Variants in SYNE2 observed in about 807,000 individuals in gnomAD.
SYNE2 encodes the protein spectrin repeat containing nuclear envelope protein 2.
In SYNE2, 431 loss-of-function variants were observed where a neutral mutation model predicts 856.3. The ratio of observed to expected loss-of-function variants is 0.50; its 90% confidence interval spans 0.47 to 0.55. SYNE2 has a LOEUF of 0.55. Ranked by LOEUF, SYNE2 falls within the 20% of genes least tolerant of loss-of-function variation. SYNE2 has a pLI of 0.00. For synonymous variants in SYNE2, 2,923 were observed against 2,872.3 expected, an observed-to-expected ratio of 1.02 and a Z score of -0.56; for missense variants, 8,129 against 8,023.2, an observed-to-expected ratio of 1.01 and a Z score of -0.50.
chr14:63,986,500 A>G lies in SYNE2; in HGVS notation c.2196A>G (p.Gln732=), dbSNP rs780409743. Residue 732 remains glutamine, a synonymous_variant, in exon 19 of 116, where the codon CAA becomes CAG. Transcript: ENST00000555002. The part of the protein sequence containing the change: ...HEKENEEFTG[Q]LKVAKDVEKL... ...AAGAAAATGAAGAATTCACAGGGCA[A>G]CTAAAAGTGGCTAAAGATGTTGAAA... 9 of 1,614,080 alleles carry G rather than the reference A, an allele frequency of 5.6e-6. No individual in the cohort carries two copies.
rs778518604 is a variant in SYNE2 at position 64,141,421 on chromosome 14, A to G, written c.15057A>G (p.Lys5019=). ...TCGGGAACCAGCTTCTTCACCTGAA[A>G]GAAACTGATACAGCTACACTGAGAG... The part of the protein sequence containing the change: ...ISIGNQLLHL[K]ETDTATLRAS... Residue 5019 remains lysine, a synonymous_variant, in exon 81 of 116, where the codon AAA becomes AAG. Coordinates refer to ENST00000555002, the MANE Select transcript of SYNE2 (RefSeq NM_182914.3). The G allele has an allele frequency of 2.0e-5, 33 of 1,614,032 alleles. No homozygotes were observed. Among genetic ancestry groups the G allele is most frequent in the Non-Finnish European group, 2.7e-5 (32 of 1,179,996 alleles).
chr14:64,190,000 T>G (rs1465957211), intron 98 of SYNE2, 71 bp from the exon 99 acceptor site: 1 of 1,526,898 alleles, frequency 6.5e-7, no homozygotes, highest in African/African-American at 1.4e-5. Flanking sequence ...GAGGTAACTC[T>G]ATGTCTGTGG....
At chr14:63,911,409 T>C (rs1202303217) in intron 2 of SYNE2, among the ~76,000 whole-genome samples, 2 of 152,242 alleles carry the variant, frequency 1.3e-5, no homozygotes, top group Non-Finnish European at 2.9e-5. Context: ...TATCAAGTAA[T>C]ATTTTCTTCC....
At position 63,991,032 on chromosome 14, in the gene SYNE2, A is replaced by G. The variant is rs377520784; in HGVS notation, c.2563A>G (p.Lys855Glu). ...DIRLKMEESQKELESYMMRAQ... is the reference protein window; with the variant it reads ...DIRLKMEESQEELESYMMRAQ... ...CAGGCTGAAGATGGAAGAATCCCAG[A>G]AGGAACTTGAATCATATATGATGAG... Residue 855 changes from lysine to glutamate, a missense_variant, in exon 21 of 116, where the codon AAG (lysine) becomes GAG (glutamate). Lys to Glu is a moderately conservative substitution (Grantham distance 56). Around this residue, in one of 3 missense-constraint regions of SYNE2, gnomAD observed 2,422 missense variants for 2,357.4 expected, o/e 1.03. Coordinates refer to ENST00000555002, the MANE Select transcript of SYNE2 (RefSeq NM_182914.3). 2.5e-5 allele frequency: 41 copies of G among 1,614,056 alleles called. No homozygotes were observed. The highest frequency in any genetic ancestry group is 2.4e-5 in the Non-Finnish European group (28 of 1,180,012).
intron 43 of SYNE2, among the ~76,000 whole-genome samples, chr14:64,028,532 T>G (rs1594965387): frequency 6.6e-6 from 1 of 152,254 alleles, no homozygotes; most frequent in Admixed American, 6.5e-5. Context: ...TTGGATGACC[T>G]GCGCGAGCCA....
chr14:63,968,192 C>T (rs2096422110), intron 11 of SYNE2, among the ~76,000 whole-genome samples: 1 of 152,014 alleles, frequency 6.6e-6, no homozygotes, highest in South Asian at 2.1e-4. Context: ...CAAAGGGCAG[C>T]TTTGTTTTTT....
chr14:63,841,832 C>CTTTTTTTTTTTTTTTTTTTTTTCTT (rs34947861), intron 1 of SYNE2, among the ~76,000 whole-genome samples: 1 of 115,082 alleles, frequency 8.7e-6, no homozygotes, highest in African/African-American at 3.3e-5. Context: ...TTCTTTCTTT[C>CTTTTTTTTTTTTTTTTTTTTTTCTT]TTTTTTTTTT....
intron 77 of SYNE2, among the ~76,000 whole-genome samples, chr14:64,133,072 G>C (rs546274114): frequency 1.3e-5 from 2 of 152,030 alleles, no homozygotes; most frequent in African/African-American, 2.4e-5. Context: ...TGGGCGTGGT[G>C]GTGGGCGCCT....
Position 64,130,125 on chromosome 14 carries a change from G to A in SYNE2, c.14217G>A (p.Gln4739=), listed in dbSNP as rs1368904555. The change falls in exon 76 of 116, where the codon CAG becomes CAA. Residue 4739 remains glutamine, a synonymous_variant. Transcript: ENST00000555002. ...GCAGCCCTTTCGTCACTGAGAGCCA[G>A]CAAGATGCTTTGTTGCAAGGCATGG... ...ELSSPFVTES[Q]QDALLQGMVE... 1 of 1,614,180 alleles carries A rather than the reference G, an allele frequency of 6.2e-7. No homozygotes were observed. Among genetic ancestry groups the A allele is most frequent in the Non-Finnish European group, 8.5e-7 (1 of 1,180,030 alleles).
At chr14:63,952,252 A>G (rs1166410120) in intron 7 of SYNE2, among the ~76,000 whole-genome samples, 2 of 152,190 alleles carry the variant, frequency 1.3e-5, no homozygotes, top group East Asian at 1.9e-4. Flanking sequence ...CCTACACAGT[A>G]TTAAGTACAG....
intron 1 of SYNE2, among the ~76,000 whole-genome samples, chr14:63,768,732 A>T (rs1036015418): frequency 3.3e-5 from 5 of 152,192 alleles, no homozygotes; most frequent in Admixed American, 6.6e-5. Flanking sequence ...ACAAACAAAC[A>T]AACTAAACCT....
At chr14:63,861,881 A>G (rs1893836673) in intron 1 of SYNE2, among the ~76,000 whole-genome samples, 2 of 152,236 alleles carry the variant, frequency 1.3e-5, no homozygotes, top group South Asian at 4.1e-4. Flanking sequence ...GCAATAGTAA[A>G]TTGGACTTAA....
At chr14:63,905,063 G>A (rs907907462) in intron 1 of SYNE2, among the ~76,000 whole-genome samples, 21 of 152,286 alleles carry the variant, frequency 1.4e-4, no homozygotes, top group African/African-American at 4.8e-4. Flanking sequence ...TTATTGAATA[G>A]GGAGTCATTT....
At chr14:64,029,793 G>A in intron 43 of SYNE2, 102 bp from the exon 44 acceptor site, 1 of 1,339,512 alleles carries the variant, frequency 7.5e-7, no homozygotes, top group Non-Finnish European at 1.0e-6. Flanking sequence ...CCTGTTTCAA[G>A]ATGAAACTGG....
chr14:64,078,399 TG>T lies in SYNE2; in HGVS notation c.11023-66del, dbSNP rs1343956768. 3.1e-5 allele frequency: 50 copies of T among 1,603,644 alleles called. No individual in the cohort carries two copies. In the East Asian group the frequency reaches 1.1e-3, roughly 36 times the overall value. On this transcript the variant is annotated intron_variant, in intron 54 of 115. Transcript: ENST00000555002. ...AAAACAGAGTGACTACCACTTTTGT[TG>T]TTCGAACCTATGAATAAAGTGCAGA...
At chr14:64,152,444 C>A in intron 84 of SYNE2, 120 bp from the exon 85 acceptor site, 1 of 926,072 alleles carries the variant, frequency 1.1e-6, no homozygotes, top group Non-Finnish European at 1.6e-6. Context: ...TGATGTAATG[C>A]TATTTAATTA....
rs573940044 is a variant in SYNE2 at position 63,834,890 on chromosome 14, G to A, written c.-304-17611G>A. ...CTTGACCTCGTGATCCACCTGCCTCGGCCTCCCAAAGTGCTGGGATTACAG... is the reference window on the plus strand; with the variant it reads ...CTTGACCTCGTGATCCACCTGCCTCAGCCTCCCAAAGTGCTGGGATTACAG... On this transcript the variant is annotated intron_variant, in intron 1 of 23. Coordinates refer to the SYNE2 transcript ENST00000674003. 2.0e-5 allele frequency among the ~76,000 whole-genome samples: 3 copies of A among 152,028 alleles called. No individual in the cohort carries two copies. In the South Asian group the frequency reaches 6.2e-4, roughly 32 times the overall value.
At chr14:63,793,655 G>A (rs1887815187) in intron 1 of SYNE2, among the ~76,000 whole-genome samples, 1 of 152,148 alleles carries the variant, frequency 6.6e-6, no homozygotes, top group African/African-American at 2.4e-5. Context: ...AAGTTGTTGG[G>A]CTGGGCACAG....
intron 6 of SYNE2, among the ~76,000 whole-genome samples, chr14:63,948,782 G>GCATA (rs1555393726): frequency 2.3e-5 from 1 of 43,906 alleles, no homozygotes; most frequent in Non-Finnish European, 4.5e-5. Context: ...ATGTGTGTGT[G>GCATA]TATATATATA....
Sources: gnomAD v4.1 joint callset for allele counts (sites outside exome capture counted in the v4.1 genomes callset) on GRCh38, gnomAD v4.1.1 for gene constraint, gnomAD v4.1.1 regional missense constraint, MANE v1.5 for transcripts, NCBI Gene and HGNC (gene_info 2026-07-23, HGNC 2026-07-21) for gene names.